The following CERS6 variants were observed in gnomAD, a reference collection of about 807,000 sequenced individuals.
The protein encoded by CERS6 is LAG1 homolog, ceramide synthase 6.
In CERS6, 26 loss-of-function variants were observed where a neutral mutation model predicts 56.8. That is an observed-to-expected ratio of 0.46 (90% confidence interval 0.34 to 0.63). CERS6 has a LOEUF of 0.63. Among genes scored for constraint, CERS6 ranks in the 30% least tolerant of loss-of-function variants. CERS6 has a pLI of 0.01. For synonymous variants in CERS6, 164 were observed against 173.3 expected (o/e 0.95, Z 0.42); for missense variants, 415 against 467.5 (o/e 0.89, Z 1.04).
intron 8 of CERS6, among the ~76,000 whole-genome samples, chr2:168,723,431 A>T (rs1683241042): frequency 6.6e-6 from 1 of 152,332 alleles, no homozygotes; most frequent in African/African-American, 2.4e-5. Flanking sequence ...AAAACAAAAA[A>T]ATCCAAAAAT....
intron 1 of CERS6, among the ~76,000 whole-genome samples, chr2:168,515,251 A>G (rs575169828): frequency 2.8e-4 from 42 of 152,288 alleles, no homozygotes; most frequent in African/African-American, 9.9e-4. Flanking sequence ...ACAATTATGT[A>G]TTTTTTGCCA....
chr2:168,720,954 G>C (rs529651458), intron 8 of CERS6, among the ~76,000 whole-genome samples: 2 of 152,198 alleles, frequency 1.3e-5, no homozygotes, highest in East Asian at 3.9e-4. Context: ...GCTATGCTTC[G>C]TGGCCAGTGA....
intron 1 of CERS6, among the ~76,000 whole-genome samples, chr2:168,466,505 TA>T (rs1249953394): frequency 6.6e-6 from 1 of 152,220 alleles, no homozygotes; most frequent in Non-Finnish European, 1.5e-5. Flanking sequence ...CTTGAGTATT[TA>T]AAGATGATTT....
chr2:168,607,429 T>A (rs1213817336), intron 3 of CERS6, among the ~76,000 whole-genome samples: 1 of 152,212 alleles, frequency 6.6e-6, no homozygotes, highest in African/African-American at 2.4e-5. Flanking sequence ...GTTGCCAGGC[T>A]AGAGTGCAGT....
intron 1 of CERS6, among the ~76,000 whole-genome samples, chr2:168,491,061 G>A (rs1192352930): frequency 1.3e-5 from 2 of 152,206 alleles, no homozygotes; most frequent in Non-Finnish European, 2.9e-5. Flanking sequence ...TAGAAGCAAG[G>A]AGTGCCAAAG....
At chr2:168,722,530 G>T (rs190862237) in intron 8 of CERS6, among the ~76,000 whole-genome samples, 1 of 152,218 alleles carries the variant, frequency 6.6e-6, no homozygotes, top group Admixed American at 6.5e-5. Context: ...ACCATTTCTC[G>T]ATTGGCTATT....
At chr2:168,739,480 T>C (rs894410998) in intron 8 of CERS6, among the ~76,000 whole-genome samples, 2 of 152,104 alleles carry the variant, frequency 1.3e-5, no homozygotes, top group African/African-American at 4.8e-5. Context: ...TTACCATGTG[T>C]GCAACAAGAT....
chr2:168,751,243 A>T (rs1264432159), intron 8 of CERS6, among the ~76,000 whole-genome samples: 1 of 152,196 alleles, frequency 6.6e-6, no homozygotes, highest in Non-Finnish European at 1.5e-5. Flanking sequence ...CAATGAGTTG[A>T]TCACCTTTTC....
At chr2:168,657,393 C>G (rs985539105) in intron 4 of CERS6, among the ~76,000 whole-genome samples, 3 of 152,256 alleles carry the variant, frequency 2.0e-5, no homozygotes, top group Admixed American at 2.0e-4. Flanking sequence ...GATCCCGCAC[C>G]GGGGCTGCAG....
rs1684891385 is a variant in CERS6 at position 168,772,548 on chromosome 2, G to A, written c.*2886G>A. ...TTCCCTCCTTGTTTGTCAGCCTCCTGTTCATGTTCCCCACACACCTGAAGG... is the reference window on the plus strand; with the variant it reads ...TTCCCTCCTTGTTTGTCAGCCTCCTATTCATGTTCCCCACACACCTGAAGG... On this transcript the variant is annotated 3_prime_UTR_variant, in exon 10 of 10. Transcript: ENST00000305747. The A allele has an allele frequency of 6.6e-6, 1 of 152,554 alleles. No homozygotes were observed. Among genetic ancestry groups the A allele is most frequent in the Admixed American group, 6.5e-5 (1 of 15,268 alleles). 9.5% of individuals were successfully genotyped at this position (152,554 alleles called of 1,614,324 possible). A position where few individuals can be genotyped will look rare whatever the true frequency, so the allele number is the denominator to read the frequency against.
intron 3 of CERS6, among the ~76,000 whole-genome samples, chr2:168,568,995 C>T (rs1228109942): frequency 2.0e-5 from 3 of 152,192 alleles, no homozygotes; most frequent in South Asian, 4.1e-4. Flanking sequence ...ACAATAAATA[C>T]GGCACTTGAC....
chr2:168,685,913 AT>A (rs1239990182), intron 4 of CERS6, among the ~76,000 whole-genome samples: 1 of 151,476 alleles, frequency 6.6e-6, no homozygotes, highest in Non-Finnish European at 1.5e-5. Flanking sequence ...GTTAGAGGTA[AT>A]TTCTCATCCA....
At chr2:168,504,374 A>C (rs769228822) in intron 1 of CERS6, among the ~76,000 whole-genome samples, 20 of 121,974 alleles carry the variant, frequency 1.6e-4, no homozygotes, top group African/African-American at 6.2e-4. Flanking sequence ...CCATTTAAAC[A>C]AAAAAAAAAA....
chr2:168,611,142 A>G (rs541976101), intron 3 of CERS6, among the ~76,000 whole-genome samples: 1 of 152,346 alleles, frequency 6.6e-6, no homozygotes, highest in Admixed American at 6.5e-5. Flanking sequence ...AATCACCAGC[A>G]TCTAAAAAGT....
At chr2:168,493,970 G>C (rs1260823768) in intron 1 of CERS6, among the ~76,000 whole-genome samples, 1 of 152,016 alleles carries the variant, frequency 6.6e-6, no homozygotes, top group Non-Finnish European at 1.5e-5. Context: ...CACAGACTAA[G>C]GATGAATTCT....
chr2:168,676,222 A>G (rs1170787366), intron 4 of CERS6, among the ~76,000 whole-genome samples: 2 of 152,234 alleles, frequency 1.3e-5, no homozygotes, highest in Non-Finnish European at 2.9e-5. Context: ...ATAGTATAGC[A>G]AAAGTCAACA....
intron 6 of CERS6, 92 bp from the exon 7 acceptor site, chr2:168,714,909 G>T: frequency 1.6e-6 from 2 of 1,227,832 alleles, no homozygotes; most frequent in Non-Finnish European, 2.3e-6. Flanking sequence ...GGTTTGTGGA[G>T]GTTCTCAGTA....
At chr2:168,600,210 C>CTCTCT (rs746353045) in intron 3 of CERS6, among the ~76,000 whole-genome samples, 5 of 145,736 alleles carry the variant, frequency 3.4e-5, no homozygotes, top group African/African-American at 1.3e-4. Flanking sequence ...CTCTCTCTCT[C>CTCTCT]TTTTTTTTTT....
At chr2:168,539,600 C>T (rs1314781920) in intron 1 of CERS6, among the ~76,000 whole-genome samples, 1 of 152,212 alleles carries the variant, frequency 6.6e-6, no homozygotes, top group African/African-American at 2.4e-5. Flanking sequence ...TATGCCTGCT[C>T]ACTCAGGCAC....
Sources: allele counts gnomAD v4.1 joint callset (sites outside exome capture counted in the v4.1 genomes callset), GRCh38; gene constraint gnomAD v4.1.1; transcripts MANE v1.5; gene names NCBI Gene and HGNC (gene_info 2026-07-23, HGNC 2026-07-21).